The following CDH7 variants were observed in gnomAD, a reference collection of about 807,000 sequenced individuals.
CDH7 encodes cadherin-7.
Under a neutral mutation model 71.8 loss-of-function variants are expected in CDH7, and 25 were observed. The observed-to-expected ratio is 0.35, with a 90% CI of 0.25 to 0.49. The LOEUF (loss-of-function observed/expected upper bound fraction) is 0.49. Among genes scored for constraint, CDH7 ranks in the 20% least tolerant of loss-of-function variants. The probability of loss-of-function intolerance (pLI) is 0.99; values close to 1 mark genes in which losing one functional copy is unlikely to be tolerated. For synonymous variants in CDH7, 381 were observed against 363.8 expected, an observed-to-expected ratio of 1.05 and a Z score of -0.54; for missense variants, 862 against 974.6, an observed-to-expected ratio of 0.88 and a Z score of 1.54.
In CDH7 at chr18:65,809,969, C is replaced by A. The variant is rs148563266; in HGVS notation, c.476C>A (p.Thr159Lys). 2 of 1,611,774 alleles carry A rather than the reference C, an allele frequency of 1.2e-6. No homozygotes were observed. Among genetic ancestry groups the A allele is most frequent in the South Asian group, 2.2e-5 (2 of 91,042 alleles). Residue 159 changes from threonine (T) to lysine (K), a missense_variant, in exon 3 of 12, where the codon ACG (threonine) becomes AAG (lysine). By Grantham distance (78) the Thr-to-Lys change is moderately conservative. Transcript: ENST00000397968. ...CCCAAATTTTTGGATGGCCCATACA[C>A]GGCAGGAGTTCCCGAAATGTCTCCC... is the stretch of plus-strand genomic sequence containing the variant. ...NEPKFLDGPY[T>K]AGVPEMSPVG...
At chr18:65,785,133 A>C (rs900678692) in intron 2 of CDH7, among the ~76,000 whole-genome samples, 3 of 152,124 alleles carry the variant, frequency 2.0e-5, no homozygotes, top group Non-Finnish European at 4.4e-5. Flanking sequence ...TTAAATTACA[A>C]TTTGGCTGAA....
intron 3 of CDH7, among the ~76,000 whole-genome samples, chr18:65,812,613 A>G (rs191568346): frequency 2.6e-5 from 4 of 152,358 alleles, no homozygotes; most frequent in African/African-American, 9.6e-5. Flanking sequence ...TAAACACACT[A>G]GTAAGCCTTT....
chr18:65,843,706 A>G (rs1026697094), intron 6 of CDH7, 106 bp from the exon 7 acceptor site: 21 of 1,014,624 alleles, frequency 2.1e-5, no homozygotes, highest in Non-Finnish European at 2.9e-5. Flanking sequence ...TGGTGCATTT[A>G]CATGACAGAG....
chr18:65,789,115 A>G (rs1910616289), intron 2 of CDH7, among the ~76,000 whole-genome samples: 1 of 152,238 alleles, frequency 6.6e-6, no homozygotes, highest in South Asian at 2.1e-4. Flanking sequence ...TAATATGAGG[A>G]AACATACATA....
chr18:65,850,364 A>G (rs1913105004), intron 7 of CDH7, among the ~76,000 whole-genome samples: 1 of 151,456 alleles, frequency 6.6e-6, no homozygotes, highest in Admixed American at 6.6e-5. Context: ...GCCACAGTTC[A>G]TTTTTTAAAA....
chr18:65,762,399 T>C (rs1262439102), intron 1 of CDH7, among the ~76,000 whole-genome samples: 1 of 152,174 alleles, frequency 6.6e-6, no homozygotes, highest in Non-Finnish European at 1.5e-5. Flanking sequence ...AAAAGTGATA[T>C]TTTAAAGTAG....
intron 11 of CDH7, 52 bp from the exon 12 acceptor site, chr18:65,880,349 G>A: frequency 2.7e-6 from 4 of 1,503,188 alleles, no homozygotes; most frequent in Non-Finnish European, 3.5e-6. Context: ...ACCATGACGT[G>A]GGGCAATGGG....
At chr18:65,818,537 A>G (rs1911803949) in intron 4 of CDH7, among the ~76,000 whole-genome samples, 1 of 152,258 alleles carries the variant, frequency 6.6e-6, no homozygotes, top group Non-Finnish European at 1.5e-5. Flanking sequence ...AATATGTACT[A>G]TATTTCTAAA....
chr18:65,865,412 A>G (rs1179527118), intron 11 of CDH7: 1 of 152,082 alleles, frequency 6.6e-6, no homozygotes, highest in African/African-American at 2.4e-5. Context: ...TTAAGTAGAC[A>G]CCAAATTTGG....
chr18:65,805,053 G>A (rs539847913), intron 2 of CDH7, among the ~76,000 whole-genome samples: 1 of 151,904 alleles, frequency 6.6e-6, no homozygotes, highest in Non-Finnish European at 1.5e-5. Flanking sequence ...TTTCAAAGTG[G>A]ATTATAAATT....
intron 2 of CDH7, among the ~76,000 whole-genome samples, 170 bp downstream of exon 2, chr18:65,763,222 A>T (rs1017732783): frequency 3.3e-5 from 5 of 152,218 alleles, no homozygotes; most frequent in African/African-American, 1.2e-4. Flanking sequence ...GCCACTGCGA[A>T]GTTGCAATCA....
intron 2 of CDH7, among the ~76,000 whole-genome samples, chr18:65,801,354 A>G (rs1160188616): frequency 2.0e-5 from 3 of 152,208 alleles, no homozygotes; most frequent in African/African-American, 7.2e-5. Context: ...TGTGCACTAG[A>G]TGATACTAGT....
rs1568215290 is a variant in CDH7 at position 65,843,821 on chromosome 18, T to G, written c.991T>G (p.Phe331Val). The stretch of plus-strand genomic sequence containing the variant: ...ACGACTTTCTTTACAGGAGCTGGAT[T>G]TTGAAGCCAAAACAAGTTACACGCT... ...GIITIQKELDFEAKTSYTLRI... is the reference protein window; with the variant it reads ...GIITIQKELDVEAKTSYTLRI... The change falls in exon 7 of 12, where the codon TTT (phenylalanine) becomes GTT (valine). Residue 331 changes from phenylalanine (F) to valine (V), a missense_variant. By Grantham distance (50) the Phe-to-Val change is conservative. Coordinates refer to ENST00000397968, the MANE Select transcript of CDH7 (RefSeq NM_004361.5). The G allele has an allele frequency of 6.6e-7, 1 of 1,507,156 alleles. No individual in the cohort carries two copies. The highest frequency in any genetic ancestry group is 8.9e-7 in the Non-Finnish European group (1 of 1,123,852). 93.4% of individuals were successfully genotyped at this position (1,507,156 alleles called of 1,614,324 possible). A position where few individuals can be genotyped will look rare whatever the true frequency, so the allele number is the denominator to read the frequency against.
chr18:65,837,249 G>T (rs1912561838), intron 6 of CDH7, among the ~76,000 whole-genome samples: 1 of 152,138 alleles, frequency 6.6e-6, no homozygotes, highest in Non-Finnish European at 1.5e-5. Context: ...TTTTATTCAA[G>T]GCTGTTGCAA....
intron 11 of CDH7, among the ~76,000 whole-genome samples, chr18:65,875,373 G>T (rs369513570): frequency 2.6e-5 from 4 of 152,188 alleles, no homozygotes; most frequent in African/African-American, 9.7e-5. Flanking sequence ...TCATGTTCCA[G>T]TTACTTGATG....
intron 11 of CDH7, among the ~76,000 whole-genome samples, chr18:65,877,499 C>T (rs1212433772): frequency 2.0e-5 from 3 of 151,288 alleles, no homozygotes; most frequent in African/African-American, 4.9e-5. Context: ...ATTAAGAGAC[C>T]GCCTAATTAT....
intron 6 of CDH7, among the ~76,000 whole-genome samples, chr18:65,843,025 T>A (rs994661011): frequency 1.3e-5 from 2 of 152,148 alleles, no homozygotes; most frequent in Non-Finnish European, 2.9e-5. Flanking sequence ...GTCTACATGT[T>A]GTGTATATGA....
At chr18:65,799,145 C>A (rs78227799) in intron 2 of CDH7, among the ~76,000 whole-genome samples, 6,736 of 152,130 alleles carry the variant, frequency 0.044, 483 homozygotes, top group African/African-American at 0.15. Flanking sequence ...TCAAGAGACA[C>A]TCTAGTGCCC....
chr18:65,759,623 AT>A (rs1916134914), intron 1 of CDH7, among the ~76,000 whole-genome samples: 1 of 152,194 alleles, frequency 6.6e-6, no homozygotes, highest in Non-Finnish European at 1.5e-5. Flanking sequence ...TCAATTTTAT[AT>A]AATTGTCAAA....
Sources: allele counts gnomAD v4.1 joint callset (sites outside exome capture counted in the v4.1 genomes callset), GRCh38; gene constraint gnomAD v4.1.1; transcripts MANE v1.5; gene names NCBI Gene and HGNC (gene_info 2026-07-23, HGNC 2026-07-21).